PCGF3: variants seen among roughly 807,000 people sequenced by gnomAD.
The protein encoded by PCGF3 is polycomb group RING finger protein 3.
PCGF3 carries 7 observed loss-of-function variants against 33.1 expected under a neutral mutation model. The ratio of observed to expected loss-of-function variants is 0.21; its 90% CI spans 0.12 to 0.40. PCGF3 has a LOEUF of 0.40. Ranked by LOEUF, PCGF3 falls within the 10% of genes least tolerant of loss-of-function variation. The pLI is 1.00. For synonymous variants in PCGF3, 153 were observed against 121.3 expected (o/e 1.26, Z -1.72); for missense variants, 211 against 313.3 (o/e 0.67, Z 2.46).
At chr4:761,735 A>G in intron 9 of PCGF3, 5 of 985,414 alleles carry the variant, frequency 5.1e-6, no homozygotes, top group Non-Finnish European at 6.0e-6. Context: ...ACAAGGGGAG[A>G]CATGGGCGGA....
At chr4:711,779 A>G (rs1033367487) in intron 1 of PCGF3, among the ~76,000 whole-genome samples, 4 of 151,914 alleles carry the variant, frequency 2.6e-5, no homozygotes, top group Non-Finnish European at 5.9e-5. Context: ...TTTCTACAGA[A>G]TTAGGCAGGC....
chr4:732,223 T>C (rs71614943), intron 3 of PCGF3, among the ~76,000 whole-genome samples: 131 of 107,626 alleles, frequency 1.2e-3, no homozygotes, highest in Middle Eastern at 6.9e-3. Flanking sequence ...GCGTGGTCCT[T>C]AGGGGCGTAG....
At chr4:748,307 C>T (rs185563922) in intron 8 of PCGF3, among the ~76,000 whole-genome samples, 1 of 151,926 alleles carries the variant, frequency 6.6e-6, no homozygotes, top group Non-Finnish European at 1.5e-5. Context: ...TCAAGCGATT[C>T]TCCTGCCTCA....
chr4:721,124 G>A lies in PCGF3; in HGVS notation c.-189-9506G>A, dbSNP rs868658022. Among the ~76,000 whole-genome samples the A allele has an allele frequency of 5.9e-4, 90 of 152,058 alleles. No individual in the cohort carries two copies. The highest frequency in any genetic ancestry group is 2.1e-3 in the African/African-American group (88 of 41,382). Reference sequence around the variant, plus strand: ...CCCTGGGGAGGGAACGCTGCTTGTCGGGCGGTGGTGACGATTTCATGGATG... The same window carrying A: ...CCCTGGGGAGGGAACGCTGCTTGTCAGGCGGTGGTGACGATTTCATGGATG... On this transcript the variant is annotated intron_variant, in intron 1 of 10. Transcript: ENST00000362003. This position sits in a 1 kb window ranked among gnomAD's most constrained non-coding sequence, Gnocchi z 4.1.
At chr4:761,694 C>T (rs1313820373) in intron 9 of PCGF3, 2 of 985,272 alleles carry the variant, frequency 2.0e-6, no homozygotes, top group African/African-American at 1.7e-5. Flanking sequence ...AAAGGTTTTC[C>T]TCAAAACGAG....
chr4:766,365 G>A (rs1745374062), exon 11 of PCGF3: 2 of 328,866 alleles, frequency 6.1e-6, no homozygotes, highest in Admixed American at 5.0e-5. Flanking sequence ...ACACGGTTCT[G>A]AGTCACCTTC....
chr4:740,422 A>T (rs1031839217), intron 6 of PCGF3, among the ~76,000 whole-genome samples: 2 of 151,966 alleles, frequency 1.3e-5, no homozygotes, highest in Non-Finnish European at 2.9e-5. Context: ...TGTTTAAAAC[A>T]TTTATCAAAG....
chr4:731,150 T>C (rs1237971759), intron 3 of PCGF3, 40 bp downstream of exon 3: 2 of 398,472 alleles, frequency 5.0e-6, no homozygotes, highest in Non-Finnish European at 8.8e-6. Flanking sequence ...TCCTGCTGAC[T>C]CCTTGCCCTG....
chr4:755,903 CCT>C (rs1491248842), intron 8 of PCGF3, among the ~76,000 whole-genome samples: 1 of 120,552 alleles, frequency 8.3e-6, no homozygotes. Context: ...TCAGAATTGT[CCT>C]TTTTTTTTTT....
chr4:764,251 C>T (rs368519087), intron 9 of PCGF3, among the ~76,000 whole-genome samples: 1 of 152,180 alleles, frequency 6.6e-6, no homozygotes, highest in Non-Finnish European at 1.5e-5. Context: ...CCTGTACCTT[C>T]CTCTCAATTT....
chr4:733,686 G>T, exon 4 of PCGF3: 1 of 1,604,530 alleles, frequency 6.2e-7, no homozygotes, highest in South Asian at 1.1e-5. Flanking sequence ...CAAAGATGTT[G>T]ACCAGGAAGA....
intron 5 of PCGF3, among the ~76,000 whole-genome samples, chr4:735,340 A>C (rs1025113398): frequency 1.3e-5 from 2 of 152,204 alleles, no homozygotes; most frequent in African/African-American, 4.8e-5. Context: ...TGAGGTCAGG[A>C]GTTTGAGACC....
chr4:769,734 A>C (rs570099050), exon 11 of PCGF3: 78 of 152,798 alleles, frequency 5.1e-4, no homozygotes, highest in African/African-American at 1.8e-3. Flanking sequence ...GCCTCCGTGT[A>C]AATGTCCACT....
rs554700849 is a variant in PCGF3 at position 751,378 on chromosome 4, C to T, written c.462+6690C>T. On this transcript the variant is annotated intron_variant, in intron 8 of 10. Transcript: ENST00000362003. ...CGACGTTATAGTTATTTAGGCTTAACGGGAGGTTGCATGGGTTTTGTGGCC... is the reference window on the plus strand; with the variant it reads ...CGACGTTATAGTTATTTAGGCTTAATGGGAGGTTGCATGGGTTTTGTGGCC... Among the ~76,000 whole-genome samples, 7 of 152,166 alleles carry T rather than the reference C, an allele frequency of 4.6e-5. No individual in the cohort carries two copies. The East Asian group carries it at 7.7e-4, about 17-fold the overall frequency.
At chr4:722,945 G>A (rs111656031) in intron 1 of PCGF3, among the ~76,000 whole-genome samples, 5 of 116,346 alleles carry the variant, frequency 4.3e-5, no homozygotes, top group South Asian at 3.0e-4. Context: ...GTCCACACTC[G>A]CGACATCGCC....
intron 1 of PCGF3, among the ~76,000 whole-genome samples, chr4:729,112 A>C (rs1249824605): frequency 6.8e-6 from 1 of 146,416 alleles, no homozygotes; most frequent in African/African-American, 2.5e-5. Context: ...AAAAAAAAAA[A>C]AAAAAAAAAA....
At chr4:709,150 C>T (rs1438555511) in intron 1 of PCGF3, among the ~76,000 whole-genome samples, 2 of 152,262 alleles carry the variant, frequency 1.3e-5, no homozygotes, top group South Asian at 2.1e-4. Context: ...AACCCTGCTC[C>T]CAGAGGGTGC....
At chr4:760,104 A>G (rs1319384616) in intron 8 of PCGF3, among the ~76,000 whole-genome samples, 1 of 152,218 alleles carries the variant, frequency 6.6e-6, no homozygotes, top group Non-Finnish European at 1.5e-5. Flanking sequence ...TTATCTCCCC[A>G]GTGGCTCTTG....
At chr4:740,288 A>G (rs1428561437) in intron 6 of PCGF3, among the ~76,000 whole-genome samples, 3 of 152,322 alleles carry the variant, frequency 2.0e-5, no homozygotes, top group Non-Finnish European at 4.4e-5. Context: ...GCACCCCCAC[A>G]TGGTGGGGGC....
Sources: gnomAD v4.1 joint callset for allele counts (sites outside exome capture counted in the v4.1 genomes callset) on GRCh38, gnomAD v4.1.1 for gene constraint, Gnocchi (gnomAD v3.1) non-coding constraint, MANE v1.5 for transcripts, NCBI Gene and HGNC (gene_info 2026-07-23, HGNC 2026-07-21) for gene names.